NKAIN2: variants seen among roughly 807,000 people sequenced by gnomAD.
The protein encoded by NKAIN2 is sodium/potassium transporting ATPase interacting 2, also known as sodium/potassium-transporting ATPase subunit beta-1-interacting protein 2.
In NKAIN2, 14 loss-of-function variants were observed where a neutral mutation model predicts 32.6. The ratio of observed to expected loss-of-function variants is 0.43; its 90% CI spans 0.28 to 0.67. The LOEUF is 0.67. Among genes scored for constraint, NKAIN2 ranks in the 30% least tolerant of loss-of-function variants. The pLI is 0.17. For synonymous variants in NKAIN2, 80 were observed against 87.2 expected, an observed-to-expected ratio of 0.92 and a Z score of 0.46; for missense variants, 198 against 258.3, an observed-to-expected ratio of 0.77 and a Z score of 1.60.
intron 3 of NKAIN2, among the ~76,000 whole-genome samples, chr6:124,612,244 G>A (rs1273530439): frequency 6.6e-6 from 1 of 151,014 alleles, no homozygotes. Flanking sequence ...AAACTGCTAG[G>A]GGGAAAAAAA....
chr6:124,040,305 T>C (rs994900951), intron 1 of NKAIN2, among the ~76,000 whole-genome samples: 3 of 151,950 alleles, frequency 2.0e-5, no homozygotes, highest in Admixed American at 6.6e-5. Context: ...TTATCTTGTG[T>C]CTTTCTTCTG....
chr6:124,803,927 A>G (rs1026639393), intron 5 of NKAIN2, among the ~76,000 whole-genome samples: 2 of 152,214 alleles, frequency 1.3e-5, no homozygotes, highest in African/African-American at 4.8e-5. Flanking sequence ...TAATATATAT[A>G]CCTCTACGTA....
At chr6:124,664,509 T>C (rs1772674872) in intron 4 of NKAIN2, among the ~76,000 whole-genome samples, 1 of 151,914 alleles carries the variant, frequency 6.6e-6, no homozygotes, top group African/African-American at 2.4e-5. Flanking sequence ...CATAGATATT[T>C]TCTGCAAAGA....
intron 3 of NKAIN2, among the ~76,000 whole-genome samples, chr6:124,475,437 A>G (rs1224621373): frequency 6.6e-6 from 1 of 152,196 alleles, no homozygotes; most frequent in Non-Finnish European, 1.5e-5. Context: ...ACAAAACCCA[A>G]AGATGGAAAA....
chr6:124,398,626 A>G (rs1773498777), intron 3 of NKAIN2, among the ~76,000 whole-genome samples: 1 of 152,220 alleles, frequency 6.6e-6, no homozygotes, highest in South Asian at 2.1e-4. Flanking sequence ...TTAAAACTAC[A>G]GGTGGTATGA....
chr6:124,282,857 C>A (rs1795365317), intron 1 of NKAIN2, 148 bp from the exon 2 acceptor site: 1 of 680,276 alleles, frequency 1.5e-6, no homozygotes, highest in Admixed American at 2.4e-5. Context: ...CTGAAAATGT[C>A]ATTCTCGCTG....
intron 3 of NKAIN2, among the ~76,000 whole-genome samples, chr6:124,376,656 C>T (rs1800006918): frequency 6.6e-6 from 1 of 152,126 alleles, no homozygotes; most frequent in South Asian, 2.1e-4. Flanking sequence ...GCTTACCCTA[C>T]AGTTAGAGGC....
At chr6:124,496,168 G>T (rs935208639) in intron 3 of NKAIN2, among the ~76,000 whole-genome samples, 2 of 152,110 alleles carry the variant, frequency 1.3e-5, no homozygotes, top group African/African-American at 2.4e-5. Flanking sequence ...TCTGTCAGTT[G>T]TGAATAACCC....
At chr6:124,415,001 A>G (rs1323254199) in intron 3 of NKAIN2, among the ~76,000 whole-genome samples, 2 of 152,040 alleles carry the variant, frequency 1.3e-5, no homozygotes, top group African/African-American at 2.4e-5. Context: ...TGCTTTTTCT[A>G]TCGTCTCACT....
At chr6:124,725,156 T>C (rs543484607) in intron 4 of NKAIN2, among the ~76,000 whole-genome samples, 1 of 152,348 alleles carries the variant, frequency 6.6e-6, no homozygotes, top group East Asian at 1.9e-4. Flanking sequence ...TTGAATTACC[T>C]AGAATATCTT....
chr6:123,860,187 A>AAAGGG (rs1775727797), intron 1 of NKAIN2, among the ~76,000 whole-genome samples: 1 of 152,252 alleles, frequency 6.6e-6, no homozygotes, highest in African/African-American at 2.4e-5. Flanking sequence ...AATTTCACCA[A>AAAGGG]ACATCAGCAG....
intron 1 of NKAIN2, among the ~76,000 whole-genome samples, chr6:124,006,258 C>T (rs1213267053): frequency 6.6e-6 from 1 of 152,158 alleles, no homozygotes; most frequent in Non-Finnish European, 1.5e-5. Flanking sequence ...AAGGTTTCAA[C>T]ACTCATGGCT....
At chr6:123,897,957 G>A (rs1242279045) in intron 1 of NKAIN2, among the ~76,000 whole-genome samples, 1 of 152,166 alleles carries the variant, frequency 6.6e-6, no homozygotes, top group Non-Finnish European at 1.5e-5. Flanking sequence ...ATGTCCCATT[G>A]AGGCTTCATT....
chr6:124,413,893 T>C (rs1012162686), intron 3 of NKAIN2, among the ~76,000 whole-genome samples: 1 of 152,166 alleles, frequency 6.6e-6, no homozygotes, highest in Admixed American at 6.5e-5. Flanking sequence ...TTTATGAACA[T>C]ACTAAACTCA....
At chr6:124,296,916 A>G (rs910613247) in intron 2 of NKAIN2, among the ~76,000 whole-genome samples, 3 of 152,226 alleles carry the variant, frequency 2.0e-5, no homozygotes, top group African/African-American at 7.2e-5. Context: ...ATTTAGGCAC[A>G]AAGTCCTTCA....
chr6:124,394,712 TG>T (rs942508641), intron 3 of NKAIN2, among the ~76,000 whole-genome samples: 37 of 151,838 alleles, frequency 2.4e-4, no homozygotes, highest in African/African-American at 9.0e-4. Flanking sequence ...TCAGCCTTTT[TG>T]TTCTATTCAG....
intron 2 of NKAIN2, among the ~76,000 whole-genome samples, chr6:124,325,748 G>T (rs1249992634): frequency 6.6e-6 from 1 of 152,060 alleles, no homozygotes; most frequent in East Asian, 1.9e-4. Flanking sequence ...ATTATTAGGG[G>T]TGTTAGAAAT....
At chr6:124,300,800 T>C (rs969862024) in intron 2 of NKAIN2, among the ~76,000 whole-genome samples, 2 of 152,184 alleles carry the variant, frequency 1.3e-5, no homozygotes, top group Non-Finnish European at 2.9e-5. Flanking sequence ...TGTGAAACTT[T>C]TAAATTGAAA....
In NKAIN2 at chr6:124,396,645, T is replaced by A. The variant is rs1468293361; in HGVS notation, c.273+41298T>A. Among the ~76,000 whole-genome samples the A allele has an allele frequency of 6.6e-5, 10 of 152,132 alleles. No homozygotes were observed. The East Asian group carries it at 1.4e-3, about 21-fold the overall frequency. On this transcript the variant is annotated intron_variant, in intron 3 of 6. Transcript: ENST00000368417. Reference sequence around the variant, plus strand: ...ATCAGAGTTGCTGATGGAGAGTATGTTTCAGCAATTCAGGCCAGAGATCAT... The same window carrying A: ...ATCAGAGTTGCTGATGGAGAGTATGATTCAGCAATTCAGGCCAGAGATCAT...
Sources: gnomAD v4.1 joint callset for allele counts (sites outside exome capture counted in the v4.1 genomes callset) on GRCh38, gnomAD v4.1.1 for gene constraint, MANE v1.5 for transcripts, NCBI Gene and HGNC (gene_info 2026-07-23, HGNC 2026-07-21) for gene names.